Variants in MAD1L1 observed in about 807,000 individuals in gnomAD.
The protein encoded by MAD1L1 is mitotic spindle assembly checkpoint protein MAD1.
Under a neutral mutation model 96.9 loss-of-function variants are expected in MAD1L1, and 95 were observed. The observed-to-expected ratio is 0.98, with a 90% CI of 0.83 to 1.16. MAD1L1 has a LOEUF of 1.16. Ranked by LOEUF, MAD1L1 falls within the 50% of genes most tolerant of loss-of-function variation. The pLI, the probability that MAD1L1 is intolerant of heterozygous loss-of-function variation, is 0.00. For missense variants in MAD1L1, 1,007 were observed against 954.4 expected, an observed-to-expected ratio of 1.06 and a Z score of -0.73; for synonymous variants, 473 against 396.6, an observed-to-expected ratio of 1.19 and a Z score of -2.29.
chr7:1,867,283 A>AG (rs1043495040), intron 18 of MAD1L1, among the ~76,000 whole-genome samples: 43 of 152,076 alleles, frequency 2.8e-4, no homozygotes, highest in Non-Finnish European at 1.3e-4. Context: ...CTAATGGAGG[A>AG]GGGGAATGCC....
intron 11 of MAD1L1, among the ~76,000 whole-genome samples, chr7:2,097,001 A>G (rs1414017323): frequency 6.6e-6 from 1 of 152,142 alleles, no homozygotes; most frequent in East Asian, 1.9e-4. Flanking sequence ...CAGGCACAGA[A>G]AGCAAGCAGT....
At chr7:1,969,671 G>T (rs914773931) in intron 15 of MAD1L1, among the ~76,000 whole-genome samples, 1 of 152,184 alleles carries the variant, frequency 6.6e-6, no homozygotes, top group African/African-American at 2.4e-5. Flanking sequence ...CAGCAAAGTT[G>T]CAAAATACAA....
chr7:2,081,200 G>A (rs1264791308), intron 11 of MAD1L1, among the ~76,000 whole-genome samples: 8 of 152,162 alleles, frequency 5.3e-5, no homozygotes, highest in African/African-American at 1.9e-4. Flanking sequence ...CTGGGCCGGG[G>A]TGGGGAGGTG....
intron 18 of MAD1L1, among the ~76,000 whole-genome samples, chr7:1,852,029 G>A (rs940409492): frequency 6.6e-6 from 1 of 152,220 alleles, no homozygotes; most frequent in African/African-American, 2.4e-5. Context: ...TGGTGCCCAC[G>A]TTGGGGGCAG....
chr7:2,078,012 C>A (rs537368675), intron 11 of MAD1L1, among the ~76,000 whole-genome samples: 1 of 152,348 alleles, frequency 6.6e-6, no homozygotes, highest in South Asian at 2.1e-4. Context: ...CAACACTGAG[C>A]ATGTTCAGGC....
Position 1,897,513 on chromosome 7 carries a change from A to G in MAD1L1, c.1998+687T>C, listed in dbSNP as rs576220149. Among the ~76,000 whole-genome samples, 309 of 152,318 alleles carry G rather than the reference A, an allele frequency of 2.0e-3. 1 individual carries two copies. Among genetic ancestry groups the G allele is most frequent in the African/African-American group, 6.6e-3 (275 of 41,570 alleles). On this transcript the variant is annotated intron_variant, in intron 18 of 18. Transcript: ENST00000265854. The stretch of plus-strand genomic sequence containing the variant: ...GGTTAGCTCACCGGGGCAGTGATGA[A>G]CAAGCCCCTGTTGCCCTGGGTCTCC...
chr7:1,822,022 A>G (rs1241133627), intron 18 of MAD1L1, among the ~76,000 whole-genome samples: 1 of 152,134 alleles, frequency 6.6e-6, no homozygotes, highest in African/African-American at 2.4e-5. Flanking sequence ...GAAAACCCTA[A>G]GCAATCTGCA....
intron 11 of MAD1L1, among the ~76,000 whole-genome samples, chr7:2,071,593 G>A (rs1160617914): frequency 1.3e-5 from 2 of 152,354 alleles, no homozygotes; most frequent in South Asian, 2.1e-4. Flanking sequence ...GATCGAGGCC[G>A]GACTAGAGGC....
Position 2,043,168 on chromosome 7 carries a change from C to T in MAD1L1, c.1218+26026G>A, listed in dbSNP as rs568425278. ...GAATGGAGAACATCCAAGTCAGCCA[C>T]GAAGACACTTCAGGAAATACAAGAA... On this transcript the variant is annotated intron_variant, in intron 12 of 18. Transcript: ENST00000265854. 3.3e-5 allele frequency among the ~76,000 whole-genome samples: 5 copies of T among 152,300 alleles called. No homozygotes were observed. In the East Asian group the frequency reaches 5.8e-4, roughly 18 times the overall value.
chr7:1,845,687 C>T (rs1783579356), intron 18 of MAD1L1: 1 of 152,148 alleles, frequency 6.6e-6, no homozygotes, highest in Non-Finnish European at 1.5e-5. Flanking sequence ...CGCTCTGGTT[C>T]ACGGGGAAGA....
At position 2,052,204 on chromosome 7, in the gene MAD1L1, G is replaced by A. The variant is rs544490480; in HGVS notation, c.1218+16990C>T. The stretch of plus-strand genomic sequence containing the variant: ...GGCAGAACCCTATCGTCCTCGCCAC[G>A]CGCACAGCCACAGCTCCGCCACAGC... On this transcript the variant is annotated intron_variant, in intron 12 of 18. Transcript: ENST00000265854. 5.9e-5 allele frequency among the ~76,000 whole-genome samples: 9 copies of A among 152,220 alleles called. No homozygotes were observed. In the South Asian group the frequency reaches 1.5e-3, roughly 25 times the overall value.
intron 12 of MAD1L1, among the ~76,000 whole-genome samples, chr7:2,034,063 T>G (rs1362468546): frequency 6.6e-6 from 1 of 152,092 alleles, no homozygotes; most frequent in Non-Finnish European, 1.5e-5. Flanking sequence ...GCCACCACAT[T>G]GCAGCCTGGG....
chr7:1,847,190 G>A (rs561297700), intron 18 of MAD1L1: 4 of 461,250 alleles, frequency 8.7e-6, no homozygotes, highest in South Asian at 6.3e-5. Context: ...CCTGGTCCAG[G>A]GTGTTTGTTT....
chr7:2,120,147 C>T (rs149177780), intron 11 of MAD1L1, among the ~76,000 whole-genome samples: 2 of 152,254 alleles, frequency 1.3e-5, no homozygotes, highest in East Asian at 1.9e-4. Flanking sequence ...CCACCTCCCC[C>T]TCTCTTGGCC....
intron 17 of MAD1L1, among the ~76,000 whole-genome samples, chr7:1,902,853 T>C (rs1295114076): frequency 2.0e-5 from 3 of 149,602 alleles, no homozygotes; most frequent in Non-Finnish European, 4.4e-5. Flanking sequence ...TGGAAGACGC[T>C]CTTGCGGAAC....
chr7:1,847,673 C>A, intron 18 of MAD1L1: 1 of 470,668 alleles, frequency 2.1e-6, no homozygotes, highest in Non-Finnish European at 4.4e-6. Flanking sequence ...AAAGCCTGGA[C>A]GCATACACTG....
At chr7:2,060,043 C>T (rs533490355) in intron 12 of MAD1L1, among the ~76,000 whole-genome samples, 17 of 152,018 alleles carry the variant, frequency 1.1e-4, no homozygotes, top group Admixed American at 1.0e-3. Context: ...ACGCCGATGC[C>T]GAGATACACC....
intron 17 of MAD1L1, among the ~76,000 whole-genome samples, chr7:1,928,045 G>A (rs1789190453): frequency 6.6e-6 from 1 of 152,174 alleles, no homozygotes; most frequent in Non-Finnish European, 1.5e-5. Context: ...CGAGGCCTTG[G>A]CTGACGTCAC....
intron 12 of MAD1L1, among the ~76,000 whole-genome samples, chr7:2,042,288 GAC>G (rs1458346216): frequency 2.0e-5 from 3 of 150,808 alleles, no homozygotes; most frequent in Admixed American, 6.6e-5. Context: ...CGCGCACATG[GAC>G]ACAGACACAC....
Sources: gnomAD v4.1 joint callset for allele counts (sites outside exome capture counted in the v4.1 genomes callset) on GRCh38, gnomAD v4.1.1 for gene constraint, MANE v1.5 for transcripts, NCBI Gene and HGNC (gene_info 2026-07-23, HGNC 2026-07-21) for gene names.